The following ZNF326 variants were observed in gnomAD, a reference collection of about 807,000 sequenced individuals.
ZNF326 encodes the protein zinc finger protein 326.
Under a neutral mutation model 63.1 loss-of-function variants are expected in ZNF326, and 30 were observed. The ratio of observed to expected loss-of-function variants is 0.48; its 90% CI spans 0.36 to 0.64. The LOEUF is 0.64. Among genes scored for constraint, ZNF326 ranks in the 30% least tolerant of loss-of-function variants. ZNF326 has a pLI of 0.00. For synonymous variants in ZNF326, 194 were observed against 228.2 expected (o/e 0.85, Z 1.35); for missense variants, 609 against 720.3 (o/e 0.85, Z 1.77).
At chr1:90,012,209 A>G (rs540402664) in intron 6 of ZNF326, among the ~76,000 whole-genome samples, 16 of 152,370 alleles carry the variant, frequency 1.1e-4, no homozygotes, top group African/African-American at 3.8e-4. Context: ...ATTGAAATAT[A>G]CATCAACAGA....
chr1:90,010,020 A>C, intron 5 of ZNF326, 68 bp from the exon 6 acceptor site: 1 of 1,492,984 alleles, frequency 6.7e-7, no homozygotes, highest in Non-Finnish European at 9.2e-7. Context: ...TTAACATGAA[A>C]ATTTTATATG....
chr1:90,027,259 A>G, intron 11 of ZNF326, 95 bp from the exon 12 acceptor site: 1 of 1,173,986 alleles, frequency 8.5e-7, no homozygotes, highest in East Asian at 2.3e-5. Flanking sequence ...TCAAAATGGC[A>G]TTTATTTCTC....
chr1:90,002,717 G>T (rs1282022255), intron 2 of ZNF326, among the ~76,000 whole-genome samples: 3 of 152,094 alleles, frequency 2.0e-5, no homozygotes, highest in Non-Finnish European at 4.4e-5. Flanking sequence ...TTACACACCA[G>T]ATTTGAAGTC....
rs1260439032 is a variant in ZNF326, at chr1:90,034,281, A to G, written c.*6580A>G. The G allele has an allele frequency of 6.6e-6, 1 of 152,172 alleles. No individual in the cohort carries two copies. Among genetic ancestry groups the G allele is most frequent in the Non-Finnish European group, 1.5e-5 (1 of 68,008 alleles). The allele number at this position is 152,172 out of a possible 1,614,324, so 9.4% of individuals were successfully genotyped here. On this transcript the variant is annotated 3_prime_UTR_variant, in exon 12 of 12. Coordinates refer to ENST00000340281, the MANE Select transcript of ZNF326 (RefSeq NM_182976.4). Reference sequence around the variant, plus strand: ...TCTACCAATTTTAGAACATGCAAGGATTTCAGAAATTAACTCATAAAACAC... The same window carrying G: ...TCTACCAATTTTAGAACATGCAAGGGTTTCAGAAATTAACTCATAAAACAC...
At chr1:90,019,575 C>T (rs540324589) in intron 9 of ZNF326, among the ~76,000 whole-genome samples, 11 of 152,170 alleles carry the variant, frequency 7.2e-5, no homozygotes, top group Middle Eastern at 6.8e-3. Context: ...TTTATGGTTT[C>T]TCTGCCACTC....
intron 5 of ZNF326, among the ~76,000 whole-genome samples, chr1:90,009,478 G>A (rs570308138): frequency 1.2e-4 from 18 of 152,128 alleles, no homozygotes; most frequent in Admixed American, 1.0e-3. Context: ...TGTTTCTCTA[G>A]GTAAGAATGT....
intron 7 of ZNF326, among the ~76,000 whole-genome samples, chr1:90,015,634 C>CGCGCCACT (rs1649467530): frequency 1.3e-5 from 2 of 152,002 alleles, no homozygotes; most frequent in Non-Finnish European, 2.9e-5. Context: ...GAGTTGAGAT[C>CGCGCCACT]GCGCCACTGC....
chr1:89,995,388 GCCGC>G, intron 1 of ZNF326, 115 bp downstream of exon 1: 4 of 1,337,472 alleles, frequency 3.0e-6, no homozygotes, highest in South Asian at 1.5e-5. Flanking sequence ...GGGCCCGGAG[GCCGC>G]CCGCCCGCCC....
At chr1:90,020,009 T>A (rs997149503) in intron 9 of ZNF326, among the ~76,000 whole-genome samples, 1 of 152,138 alleles carries the variant, frequency 6.6e-6, no homozygotes, top group Non-Finnish European at 1.5e-5. Context: ...TTTTAAACAT[T>A]TATCAAATCT....
At chr1:90,014,397 TATG>T (rs771474338) in intron 7 of ZNF326, among the ~76,000 whole-genome samples, 4 of 152,178 alleles carry the variant, frequency 2.6e-5, no homozygotes, top group Non-Finnish European at 4.4e-5. Flanking sequence ...AGCTGTTTAA[TATG>T]ATGAGGAAAC....
intron 9 of ZNF326, among the ~76,000 whole-genome samples, chr1:90,019,090 TC>T (rs1649636953): frequency 6.6e-6 from 1 of 152,168 alleles, no homozygotes; most frequent in Non-Finnish European, 1.5e-5. Context: ...TATGAAATCT[TC>T]TGTTTTTTAG....
rs1364502816 is a variant in ZNF326, at chr1:90,031,820, A to T, written c.*4119A>T. The stretch of plus-strand genomic sequence containing the variant: ...AGTGATCTGCCTGCCTTGGCCTCCC[A>T]AAGTGCTGGGATTATAGGCATGAGC... On this transcript the variant is annotated 3_prime_UTR_variant, in exon 12 of 12. Coordinates refer to ENST00000340281, the MANE Select transcript of ZNF326 (RefSeq NM_182976.4). 2.6e-5 allele frequency: 4 copies of T among 152,222 alleles called. No homozygotes were observed. Among genetic ancestry groups the T allele is most frequent in the African/African-American group, 9.7e-5 (4 of 41,430 alleles). The allele number at this position is 152,222 out of a possible 1,614,324, so 9.4% of individuals were successfully genotyped here.
At chr1:89,995,308 C>G (rs566704019) in intron 1 of ZNF326, 35 bp downstream of exon 1, 5 of 1,538,398 alleles carry the variant, frequency 3.3e-6, no homozygotes, top group Non-Finnish European at 4.4e-6. Flanking sequence ...GCGCAGCTGG[C>G]AGGAGGCGGG....
intron 9 of ZNF326, among the ~76,000 whole-genome samples, chr1:90,019,706 A>G (rs1378915782): frequency 6.6e-6 from 1 of 152,132 alleles, no homozygotes; most frequent in Non-Finnish European, 1.5e-5. Flanking sequence ...CATTGCTTAT[A>G]CATCTATGTT....
chr1:90,013,517 A>G (rs1649353824), intron 7 of ZNF326, among the ~76,000 whole-genome samples: 1 of 152,244 alleles, frequency 6.6e-6, no homozygotes, highest in Non-Finnish European at 1.5e-5. Flanking sequence ...ATTTGACTGT[A>G]TGGAGTCATA....
chr1:90,022,455 G>T (rs1557529348), intron 11 of ZNF326, 110 bp downstream of exon 11: 1 of 800,848 alleles, frequency 1.2e-6, no homozygotes, highest in East Asian at 2.6e-5. Flanking sequence ...ATATTAAGAA[G>T]AATTTTACTC....
chr1:90,033,947 A>G lies in ZNF326; in HGVS notation c.*6246A>G, dbSNP rs1014318852. 3 of 143,796 alleles carry G rather than the reference A, an allele frequency of 2.1e-5. No homozygotes were observed. The highest frequency in any genetic ancestry group is 2.0e-4 in the Admixed American group (3 of 14,814). The allele number at this position is 143,796 out of a possible 1,614,324, so 8.9% of individuals were successfully genotyped here. A position where few individuals can be genotyped will look rare whatever the true frequency, so the allele number is the denominator to read the frequency against. ...TGAAAAAAGAAGTGAAGAATAGGAA[A>G]AAAAAAAAAATCTTCTGATGAAAGA... is the stretch of plus-strand genomic sequence containing the variant. On this transcript the variant is annotated 3_prime_UTR_variant, in exon 12 of 12. Transcript: ENST00000340281.
chr1:89,995,310 G>A (rs1228349301), intron 1 of ZNF326, 37 bp downstream of exon 1: 1 of 1,536,504 alleles, frequency 6.5e-7, no homozygotes, highest in African/African-American at 1.4e-5. Flanking sequence ...GCAGCTGGCA[G>A]GAGGCGGGGT....
chr1:90,023,683 A>G (rs1649877442), intron 11 of ZNF326, among the ~76,000 whole-genome samples: 1 of 152,234 alleles, frequency 6.6e-6, no homozygotes, highest in Admixed American at 6.5e-5. Context: ...CAAACTTCTG[A>G]GAAAGTGGTT....
Sources: gnomAD v4.1 joint callset for allele counts (sites outside exome capture counted in the v4.1 genomes callset) on GRCh38, gnomAD v4.1.1 for gene constraint, MANE v1.5 for transcripts, NCBI Gene and HGNC (gene_info 2026-07-23, HGNC 2026-07-21) for gene names.